Variants in LIPH observed in about 807,000 individuals in gnomAD.
LIPH encodes the protein lipase H.
Under a neutral mutation model 47.6 loss-of-function variants are expected in LIPH, and 32 were observed. The observed-to-expected ratio is 0.67, with a 90% confidence interval of 0.51 to 0.90. The LOEUF is 0.90. LIPH is among the 40% of genes least tolerant of loss of function. The pLI is 0.00. For missense variants in LIPH, 497 were observed against 541.4 expected, an observed-to-expected ratio of 0.92 and a Z score of 0.81; for synonymous variants, 190 against 195.6, an observed-to-expected ratio of 0.97 and a Z score of 0.24.
rs1204246368 is a variant in LIPH at position 185,509,973 on chromosome 3, G to A, written c.1269-1096C>T. 2.8e-5 allele frequency among the ~76,000 whole-genome samples: 4 copies of A among 141,274 alleles called. No homozygotes were observed. In the South Asian group the frequency reaches 6.7e-4, roughly 24 times the overall value. The allele number at this position is 141,274 out of a possible 152,430, so 92.7% of individuals were successfully genotyped here. On this transcript the variant is annotated intron_variant, in intron 9 of 9. Coordinates refer to ENST00000296252, the MANE Select transcript of LIPH (RefSeq NM_139248.3). ...TTTTTTTTTTTTTTTTTGAGACAGG[G>A]TCTCACTCTGTCACCCAGGCTGGAG...
At chr3:185,552,322 C>T (rs1425020833) in intron 1 of LIPH, 101 bp downstream of exon 1, 2 of 788,516 alleles carry the variant, frequency 2.5e-6, no homozygotes, top group Non-Finnish European at 4.5e-6. Flanking sequence ...ACTCTATGGA[C>T]TTAAGTTCAC....
intron 8 of LIPH, among the ~76,000 whole-genome samples, chr3:185,513,166 C>G (rs1272627359): frequency 6.6e-6 from 1 of 151,930 alleles, no homozygotes; most frequent in African/African-American, 2.4e-5. Context: ...CATGTGAAAA[C>G]CCGTCTCTAC....
chr3:185,535,892 C>T (rs571000343), intron 1 of LIPH, among the ~76,000 whole-genome samples: 95 of 152,232 alleles, frequency 6.2e-4, no homozygotes, highest in Non-Finnish European at 8.5e-4. Flanking sequence ...CATGAGCCAC[C>T]GTGCCCGGCC....
intron 6 of LIPH, among the ~76,000 whole-genome samples, chr3:185,517,373 G>A (rs544764928): frequency 2.6e-5 from 4 of 152,306 alleles, no homozygotes; most frequent in African/African-American, 9.6e-5. Context: ...GGACCCTCCA[G>A]TTGTTTTCCC....
chr3:185,548,745 A>AAAACAAAAC (rs552360240), intron 1 of LIPH, among the ~76,000 whole-genome samples: 1 of 151,384 alleles, frequency 6.6e-6, no homozygotes, highest in African/African-American at 2.4e-5. Flanking sequence ...AAAACAAAAC[A>AAAACAAAAC]AAAACAAAAC....
chr3:185,536,021 T>G (rs1184447862), intron 1 of LIPH, among the ~76,000 whole-genome samples: 1 of 152,178 alleles, frequency 6.6e-6, no homozygotes, highest in Non-Finnish European at 1.5e-5. Flanking sequence ...TAATGAAGCC[T>G]TCTCTGACCC....
At chr3:185,522,009 C>A (rs1186179486) in intron 5 of LIPH, among the ~76,000 whole-genome samples, 1 of 152,092 alleles carries the variant, frequency 6.6e-6, no homozygotes, top group Non-Finnish European at 1.5e-5. Flanking sequence ...GTACTTATAA[C>A]TGCTGAAATA....
intron 7 of LIPH, 98 bp from the exon 8 acceptor site, chr3:185,514,619 CTCT>C (rs554406538): frequency 8.8e-5 from 65 of 735,624 alleles, no homozygotes; most frequent in South Asian, 6.2e-4. Context: ...ATCACTGAGT[CTCT>C]TCTTCTCTTT....
At chr3:185,534,678 C>T (rs1720444534) in intron 2 of LIPH, 87 bp downstream of exon 2, 1 of 1,391,714 alleles carries the variant, frequency 7.2e-7, no homozygotes, top group Non-Finnish European at 1.0e-6. Flanking sequence ...AGGCCTCCTG[C>T]TCACTGTAGC....
At chr3:185,523,147 G>A (rs1719959253) in intron 5 of LIPH, among the ~76,000 whole-genome samples, 1 of 151,960 alleles carries the variant, frequency 6.6e-6, no homozygotes, top group South Asian at 2.1e-4. Flanking sequence ...GAACATCTTT[G>A]CACTCTAATT....
chr3:185,533,821 T>A, intron 2 of LIPH, 142 bp from the exon 3 acceptor site: 1 of 641,748 alleles, frequency 1.6e-6, no homozygotes, highest in Non-Finnish European at 2.8e-6. Context: ...ACAACATCCA[T>A]GCAAAGTAAA....
At chr3:185,524,737 T>C (rs554986533) in intron 4 of LIPH, among the ~76,000 whole-genome samples, 33 of 152,250 alleles carry the variant, frequency 2.2e-4, no homozygotes, top group Non-Finnish European at 3.8e-4. Context: ...GCATGAGCCA[T>C]TGCGCCTGGC....
At chr3:185,512,529 C>T (rs1719601505) in intron 8 of LIPH, among the ~76,000 whole-genome samples, 1 of 146,088 alleles carries the variant, frequency 6.8e-6, no homozygotes, top group Non-Finnish European at 1.5e-5. Flanking sequence ...TGCTCTGTTG[C>T]CCAGGCTGGA....
chr3:185,527,860 C>T (rs1720160320), intron 3 of LIPH, among the ~76,000 whole-genome samples: 1 of 149,986 alleles, frequency 6.7e-6, no homozygotes, highest in Admixed American at 6.7e-5. Context: ...GGAACGTACA[C>T]GTGTATGAGG....
At chr3:185,532,116 C>A (rs1432878128) in intron 3 of LIPH, among the ~76,000 whole-genome samples, 1 of 152,168 alleles carries the variant, frequency 6.6e-6, no homozygotes, top group African/African-American at 2.4e-5. Context: ...TTCTGGACCC[C>A]TCCCCAGGAC....
chr3:185,538,004 G>T lies in LIPH; in HGVS notation c.50-2872C>A, dbSNP rs147310956. Among the ~76,000 whole-genome samples the T allele has an allele frequency of 1.9e-4, 29 of 152,046 alleles. No homozygotes were observed. The East Asian group carries it at 5.0e-3, about 26-fold the overall frequency. On this transcript the variant is annotated intron_variant, in intron 1 of 9. Coordinates refer to ENST00000296252, the MANE Select transcript of LIPH (RefSeq NM_139248.3). ...ATATTTTTTGTAGAGACAGGCTTTC[G>T]CTATGTTGTCCAGGCTAGTCTTGAA...
At chr3:185,533,962 G>A (rs1470605168) in intron 2 of LIPH, among the ~76,000 whole-genome samples, 19 of 152,182 alleles carry the variant, frequency 1.2e-4, no homozygotes, top group Admixed American at 1.2e-3. Context: ...AGTGGCCCAC[G>A]CTTGTAATCC....
At chr3:185,538,738 CATATATGTACATATATATACAT>C (rs1177012687) in intron 1 of LIPH, among the ~76,000 whole-genome samples, 1 of 94,304 alleles carries the variant, frequency 1.1e-5, no homozygotes, top group East Asian at 3.2e-4. Context: ...CATATATATA[CATATATGTACATATATATACAT>C]ATATATGTAC....
chr3:185,534,702 T>G (rs1405638607), intron 2 of LIPH, 63 bp downstream of exon 2: 2 of 1,565,174 alleles, frequency 1.3e-6, no homozygotes, highest in Non-Finnish European at 1.8e-6. Flanking sequence ...CTCTTGGCTT[T>G]AAGCCCTCAG....
Sources: allele counts gnomAD v4.1 joint callset (sites outside exome capture counted in the v4.1 genomes callset), GRCh38; gene constraint gnomAD v4.1.1; transcripts MANE v1.5; gene names NCBI Gene and HGNC (gene_info 2026-07-23, HGNC 2026-07-21).